Variants in RNF2 observed in about 807,000 individuals in gnomAD.
RNF2 encodes the protein ring finger protein 2, also known as E3 ubiquitin-protein ligase RING2.
Under a neutral mutation model 37.2 loss-of-function variants are expected in RNF2, and 6 were observed. That is an observed-to-expected ratio of 0.16 (90% CI 0.09 to 0.32). The LOEUF (loss-of-function observed/expected upper bound fraction) is 0.32. Ranked by LOEUF, RNF2 falls within the 10% of genes least tolerant of loss-of-function variation. The pLI, the probability that RNF2 is intolerant of heterozygous loss-of-function variation, is 1.00. For synonymous variants in RNF2, 133 were observed against 132.7 expected (o/e 1.00, Z -0.02); for missense variants, 251 against 404.0 (o/e 0.62, Z 3.25).
chr1:185,068,193 A>G (rs529436755), intron 1 of RNF2, among the ~76,000 whole-genome samples: 2 of 152,328 alleles, frequency 1.3e-5, no homozygotes, highest in East Asian at 3.9e-4. Flanking sequence ...AGGAAACAGC[A>G]TGTATGCAGG....
chr1:185,069,839 C>G (rs1373596067), intron 1 of RNF2, among the ~76,000 whole-genome samples: 1 of 152,190 alleles, frequency 6.6e-6, no homozygotes, highest in East Asian at 1.9e-4. Context: ...TATTTAGCCA[C>G]ATACAGATTA....
At chr1:185,073,181 T>C (rs1321842796) in intron 1 of RNF2, among the ~76,000 whole-genome samples, 1 of 152,044 alleles carries the variant, frequency 6.6e-6, no homozygotes, top group Admixed American at 6.5e-5. Context: ...TTTATTGACA[T>C]AGATTTTTAT....
At position 185,100,265 on chromosome 1, in the gene RNF2, G is replaced by A. The variant is rs111816430; in HGVS notation, c.975G>A (p.Met325Ile). The change falls in exon 7 of 7, where the codon ATG becomes ATA. Residue 325 changes from methionine to isoleucine, a missense_variant. Met to Ile is a conservative substitution (Grantham distance 10, BLOSUM62 1). Around this residue, in one of 7 missense-constraint regions of RNF2, gnomAD observed 59 missense variants for 69.1 expected, o/e 0.85. Coordinates refer to ENST00000367510, the MANE Select transcript of RNF2 (RefSeq NM_007212.4). ...AATACTGGAAAGTGAACAAACCCAT[G>A]GAACTTTATTACGCACCTACAAAGG... ...SEKYWKVNKP[M>I]ELYYAPTKEH... 1 of 1,612,068 alleles carries A rather than the reference G, an allele frequency of 6.2e-7. No homozygotes were observed. The highest frequency in any genetic ancestry group is 8.5e-7 in the Non-Finnish European group (1 of 1,179,230).
chr1:185,091,865 G>A, intron 3 of RNF2, 126 bp downstream of exon 3: 2 of 872,440 alleles, frequency 2.3e-6, no homozygotes, highest in Non-Finnish European at 3.4e-6. Context: ...GCCCAGGCTG[G>A]AGTGCAATGG....
chr1:185,052,405 C>G (rs1277490290), intron 1 of RNF2, among the ~76,000 whole-genome samples: 1 of 152,176 alleles, frequency 6.6e-6, no homozygotes, highest in Non-Finnish European at 1.5e-5. Context: ...GAATAAAGTA[C>G]TGACACATGT....
chr1:185,092,421 C>T (rs377605835), intron 3 of RNF2, among the ~76,000 whole-genome samples: 7 of 152,126 alleles, frequency 4.6e-5, no homozygotes, highest in South Asian at 4.2e-4. Context: ...GTGATCCACC[C>T]GCCTCGGCCT....
intron 1 of RNF2, among the ~76,000 whole-genome samples, chr1:185,066,733 T>C (rs56204629): frequency 0.01 from 1,538 of 152,338 alleles, 9 homozygotes; most frequent in Non-Finnish European, 0.016. Context: ...GCTGCTGTTA[T>C]AATTAGTGTT....
intron 4 of RNF2, among the ~76,000 whole-genome samples, chr1:185,094,537 C>G (rs910005980): frequency 1.3e-5 from 2 of 151,906 alleles, no homozygotes; most frequent in African/African-American, 4.8e-5. Context: ...CAGATTCATT[C>G]AGGCCACAAC....
At chr1:185,099,750 C>T (rs773013535) in intron 5 of RNF2, 41 bp from the exon 6 acceptor site, 3 of 1,523,774 alleles carry the variant, frequency 2.0e-6, no homozygotes, top group Non-Finnish European at 2.7e-6. Flanking sequence ...TTCTCATTGG[C>T]ATATTCTAGA....
At chr1:185,071,358 G>T (rs748883460) in intron 1 of RNF2, among the ~76,000 whole-genome samples, 6 of 152,128 alleles carry the variant, frequency 3.9e-5, no homozygotes, top group Admixed American at 2.6e-4. Flanking sequence ...AGATTAAGAC[G>T]AGGGAAGCCA....
chr1:185,096,834 AT>A lies in RNF2; in HGVS notation c.465-1219del, dbSNP rs748099631. On this transcript the variant is annotated intron_variant, in intron 4 of 6. Coordinates refer to ENST00000367510, the MANE Select transcript of RNF2 (RefSeq NM_007212.4). ...ATGATCTATGAATTTTATAAGCAGG[AT>A]TTTTTTTTTTTTTTTTTTAAAGCAT... Among the ~76,000 whole-genome samples, 794 of 126,952 alleles carry A rather than the reference AT, an allele frequency of 6.3e-3. 1 individual carries two copies. The highest frequency in any genetic ancestry group is 0.013 in the Middle Eastern group (3 of 238). 83.3% of individuals were successfully genotyped at this position (126,952 alleles called of 152,430 possible).
At chr1:185,074,682 A>G (rs972878182) in intron 1 of RNF2, among the ~76,000 whole-genome samples, 6 of 151,960 alleles carry the variant, frequency 3.9e-5, no homozygotes, top group South Asian at 2.1e-4. Flanking sequence ...AATATTAGGG[A>G]AAAAAAATGG....
At position 185,101,988 on chromosome 1, in the gene RNF2, G is replaced by A. The variant is rs1652092583; in HGVS notation, c.*1687G>A. On this transcript the variant is annotated 3_prime_UTR_variant, in exon 7 of 7. Transcript: ENST00000367510. ...CCACTGAATATAACCCTGGTTTTGT[G>A]ATAAAACTGCTTAGATTTTGTTGAT... 1 of 152,430 alleles carries A rather than the reference G, an allele frequency of 6.6e-6. No homozygotes were observed. The highest frequency in any genetic ancestry group is 2.4e-5 in the African/African-American group (1 of 41,398). The allele number at this position is 152,430 out of a possible 1,614,324, so 9.4% of individuals were successfully genotyped here.
chr1:185,101,719 A>G lies in RNF2; in HGVS notation c.*1418A>G, dbSNP rs1453481003. 4 of 152,070 alleles carry G rather than the reference A, an allele frequency of 2.6e-5. No homozygotes were observed. Among genetic ancestry groups the G allele is most frequent in the Admixed American group, 1.3e-4 (2 of 15,246 alleles). The allele number at this position is 152,070 out of a possible 1,614,324, so 9.4% of individuals were successfully genotyped here. On this transcript the variant is annotated 3_prime_UTR_variant, in exon 7 of 7. Transcript: ENST00000367510. The stretch of plus-strand genomic sequence containing the variant: ...TGTAAATATTTATCTGTCAGTTTTG[A>G]CAGATTGGGGCCAGCTTGATGTTTT...
At chr1:185,096,417 TTGAAACCC>T (rs1379570050) in intron 4 of RNF2, among the ~76,000 whole-genome samples, 1 of 152,194 alleles carries the variant, frequency 6.6e-6, no homozygotes, top group Non-Finnish European at 1.5e-5. Flanking sequence ...TCTTATAAAA[TTGAAACCC>T]TGTATCCATT....
At chr1:185,060,064 A>G (rs1054250958) in intron 1 of RNF2, among the ~76,000 whole-genome samples, 4 of 152,214 alleles carry the variant, frequency 2.6e-5, no homozygotes, top group African/African-American at 9.6e-5. Flanking sequence ...TTGGAACTTG[A>G]TGAACATTTC....
chr1:185,057,114 C>G (rs1288949666), intron 1 of RNF2, among the ~76,000 whole-genome samples: 1 of 151,970 alleles, frequency 6.6e-6, no homozygotes, highest in African/African-American at 2.4e-5. Flanking sequence ...TCAAGACCAG[C>G]CTGGGCAACA....
intron 1 of RNF2, among the ~76,000 whole-genome samples, chr1:185,065,622 A>G (rs1357265197): frequency 6.6e-6 from 1 of 151,984 alleles, no homozygotes; most frequent in Non-Finnish European, 1.5e-5. Context: ...CCACAGCTTC[A>G]CTCCTGAAGT....
At chr1:185,050,211 G>C (rs1398714797) in intron 1 of RNF2, among the ~76,000 whole-genome samples, 1 of 152,196 alleles carries the variant, frequency 6.6e-6, no homozygotes, top group Non-Finnish European at 1.5e-5. Context: ...ATAGAAAAAT[G>C]AATCGAAAAA....
Sources: allele counts gnomAD v4.1 joint callset (sites outside exome capture counted in the v4.1 genomes callset), GRCh38; gene constraint gnomAD v4.1.1; regional missense constraint gnomAD v4.1.1; transcripts MANE v1.5; gene names NCBI Gene and HGNC (gene_info 2026-07-23, HGNC 2026-07-21).